Variants in RUFY4 observed in about 807,000 individuals in gnomAD.
RUFY4 encodes RUN and FYVE domain containing 4.
In RUFY4, 73 loss-of-function variants were observed where a neutral mutation model predicts 69.0. That is an observed-to-expected ratio of 1.06 (90% CI 0.88 to 1.29). The LOEUF (loss-of-function observed/expected upper bound fraction) is 1.29, where lower values mean the gene tolerates loss of function less well. Among genes scored for constraint, RUFY4 ranks in the 50% most tolerant of loss-of-function variants. RUFY4 has a pLI of 0.00. For synonymous variants in RUFY4, 287 were observed against 271.8 expected, an observed-to-expected ratio of 1.06 and a Z score of -0.55; for missense variants, 770 against 705.6, an observed-to-expected ratio of 1.09 and a Z score of -1.03.
chr2:218,067,914 C>A (rs1222690161), upstream of RUFY4, among the ~76,000 whole-genome samples: 1 of 152,198 alleles, frequency 6.6e-6, no homozygotes. Flanking sequence ...TGGGGTGAAG[C>A]AAGGAGACCC....
chr2:218,047,360 G>A (rs962788733), intron 2 of RUFY4, among the ~76,000 whole-genome samples: 1 of 151,816 alleles, frequency 6.6e-6, no homozygotes, highest in Admixed American at 6.6e-5. Context: ...CACAAATAAA[G>A]TTCTTCTTTC....
At chr2:218,079,444 T>A (rs1689710566) in intron 8 of RUFY4, among the ~76,000 whole-genome samples, 1 of 152,152 alleles carries the variant, frequency 6.6e-6, no homozygotes, top group Non-Finnish European at 1.5e-5. Context: ...TTAACTGAAG[T>A]GTGTGGGCTG....
intron 8 of RUFY4, among the ~76,000 whole-genome samples, chr2:218,082,013 G>T (rs1056546127): frequency 6.6e-6 from 1 of 152,192 alleles, no homozygotes; most frequent in Admixed American, 6.5e-5. Context: ...GGACTCTCAC[G>T]CATGCCACCT....
chr2:218,057,873 TG>T (rs1163324306), intron 2 of RUFY4, among the ~76,000 whole-genome samples: 2 of 152,262 alleles, frequency 1.3e-5, no homozygotes, highest in East Asian at 3.8e-4. Flanking sequence ...TTCCATGGTG[TG>T]GCTGCAACTT....
At chr2:218,063,910 A>G (rs1689259399) in intron 3 of RUFY4, among the ~76,000 whole-genome samples, 1 of 152,048 alleles carries the variant, frequency 6.6e-6, no homozygotes, top group Non-Finnish European at 1.5e-5. Context: ...CTTTCAACCA[A>G]ACAAAAGTCC....
At chr2:218,051,690 G>T (rs1688947592) in intron 2 of RUFY4, among the ~76,000 whole-genome samples, 1 of 151,708 alleles carries the variant, frequency 6.6e-6, no homozygotes, top group Non-Finnish European at 1.5e-5. Context: ...AGGGAGTTTT[G>T]TGTGTGATTA....
At chr2:218,079,294 G>A (rs950256510) in intron 8 of RUFY4, among the ~76,000 whole-genome samples, 1 of 152,246 alleles carries the variant, frequency 6.6e-6, no homozygotes, top group Non-Finnish European at 1.5e-5. Flanking sequence ...GCAGCATGGA[G>A]CAAGGAGAAG....
rs569502635 is a variant in RUFY4, at chr2:218,036,187, G to A, written c.-1158+793G>A. Among the ~76,000 whole-genome samples the A allele has an allele frequency of 8.5e-5, 13 of 152,216 alleles. No individual in the cohort carries two copies. The South Asian group carries it at 1.4e-3, about 17-fold the overall frequency. ...ATTAAACAATTAGCACAGTGTCGTCGCCCAGGGACTGCTCAATCGGTGGAG... is the reference window on the plus strand; with the variant it reads ...ATTAAACAATTAGCACAGTGTCGTCACCCAGGGACTGCTCAATCGGTGGAG... On this transcript the variant is annotated intron_variant and NMD_transcript_variant, in intron 2 of 13. Transcript: ENST00000457754.
intron 3 of RUFY4, among the ~76,000 whole-genome samples, chr2:218,063,507 C>A (rs1486203500): frequency 1.3e-5 from 2 of 152,198 alleles, no homozygotes; most frequent in East Asian, 1.9e-4. Context: ...CCACATGAAC[C>A]AGCAACCCCC....
chr2:218,076,292 A>C, intron 7 of RUFY4, 135 bp from the exon 10 acceptor site: 1 of 1,384,994 alleles, frequency 7.2e-7, no homozygotes, highest in Non-Finnish European at 9.5e-7. Flanking sequence ...GCCAGGCATC[A>C]CAGCTCCCAG....
upstream of RUFY4, among the ~76,000 whole-genome samples, chr2:218,064,525 G>T (rs538758056): frequency 2.0e-5 from 3 of 152,188 alleles, no homozygotes; most frequent in South Asian, 6.2e-4. Context: ...TTCAGGCAGG[G>T]GTTGCCCCAG....
intron 3 of RUFY4, chr2:218,060,309 C>A (rs1213737277): frequency 3.3e-6 from 5 of 1,503,390 alleles, no homozygotes; most frequent in Non-Finnish European, 4.4e-6. Context: ...AAGGGAGGAA[C>A]CCCACGGGAC....
upstream of RUFY4, among the ~76,000 whole-genome samples, chr2:218,069,949 A>C (rs1689443721): frequency 6.6e-6 from 1 of 152,102 alleles, no homozygotes; most frequent in African/African-American, 2.4e-5. Flanking sequence ...TGCTCCCCAC[A>C]CACACGCAGC....
chr2:218,077,689 G>A (rs1470753795), intron 8 of RUFY4, among the ~76,000 whole-genome samples: 1 of 152,176 alleles, frequency 6.6e-6, no homozygotes, highest in Non-Finnish European at 1.5e-5. Context: ...AGCAGAGCCT[G>A]AGTAGCTGTG....
At chr2:218,049,179 T>C (rs1304876808) in intron 2 of RUFY4, among the ~76,000 whole-genome samples, 1 of 152,118 alleles carries the variant, frequency 6.6e-6, no homozygotes, top group Non-Finnish European at 1.5e-5. Flanking sequence ...AAATGGCAGG[T>C]TTGGGACCTC....
intron 8 of RUFY4, among the ~76,000 whole-genome samples, chr2:218,078,894 T>G (rs1237127543): frequency 6.6e-6 from 1 of 152,082 alleles, no homozygotes; most frequent in African/African-American, 2.4e-5. Flanking sequence ...TGAGACAGAG[T>G]TTCGCTCTTG....
At chr2:218,070,389 G>A (rs1259903680), upstream of RUFY4, 4 of 613,682 alleles carry the variant, frequency 6.5e-6, no homozygotes, top group East Asian at 1.1e-4. Flanking sequence ...TGCTCAATCG[G>A]TGGAGGCCAC....
At chr2:218,074,511 T>C (rs1005880225) in intron 6 of RUFY4, among the ~76,000 whole-genome samples, 4 of 152,012 alleles carry the variant, frequency 2.6e-5, no homozygotes, top group Non-Finnish European at 4.4e-5. Context: ...TGGGTACAGA[T>C]ACTATTAGTT....
chr2:218,075,804 G>A (rs1244526804), intron 7 of RUFY4, 64 bp downstream of exon 9: 1 of 1,347,550 alleles, frequency 7.4e-7, no homozygotes, highest in Non-Finnish European at 9.6e-7. Flanking sequence ...ACAGATGAGG[G>A]TCTGCAATGG....
Sources: allele counts gnomAD v4.1 joint callset (sites outside exome capture counted in the v4.1 genomes callset), GRCh38; gene constraint gnomAD v4.1.1; transcripts MANE v1.5; gene names NCBI Gene and HGNC (gene_info 2026-07-23, HGNC 2026-07-21).